VPS53: variants seen among roughly 807,000 people sequenced by gnomAD.
VPS53 encodes the protein VPS53 subunit of GARP complex, also known as vacuolar protein sorting-associated protein 53 homolog.
A neutral mutation model predicts 107.0 loss-of-function variants in VPS53; 70 were observed. The ratio of observed to expected loss-of-function variants is 0.65; its 90% confidence interval spans 0.54 to 0.80. The LOEUF is 0.80. VPS53 is among the 30% of genes least tolerant of loss of function. VPS53 has a pLI of 0.00. For missense variants in VPS53, 917 were observed against 1,049.4 expected (o/e 0.87, Z 1.74); for synonymous variants, 409 against 393.3 (o/e 1.04, Z -0.47).
chr17:552,922 T>C (rs1911985012), intron 16 of VPS53: 1 of 386,066 alleles, frequency 2.6e-6, no homozygotes. Context: ...ACAAGGTATA[T>C]ACGTGCCGCA....
intron 7 of VPS53, among the ~76,000 whole-genome samples, chr17:643,699 A>G (rs1970554243): frequency 6.6e-6 from 1 of 150,500 alleles, no homozygotes; most frequent in Non-Finnish European, 1.5e-5. Context: ...TCATACTTGG[A>G]AAGTGAGGAC....
intron 19 of VPS53, among the ~76,000 whole-genome samples, chr17:528,131 T>C (rs1211988026): frequency 3.3e-5 from 5 of 152,206 alleles, no homozygotes; most frequent in Admixed American, 3.3e-4. Flanking sequence ...ATTTACCTTT[T>C]GGAAGTGTAC....
At chr17:541,249 G>A (rs1173526235) in intron 17 of VPS53, among the ~76,000 whole-genome samples, 1 of 152,196 alleles carries the variant, frequency 6.6e-6, no homozygotes, top group African/African-American at 2.4e-5. Flanking sequence ...TATATTTATA[G>A]GTACCTTCGG....
chr17:706,508 T>G (rs1366761682), intron 2 of VPS53, among the ~76,000 whole-genome samples: 1 of 143,526 alleles, frequency 7.0e-6, no homozygotes, highest in Non-Finnish European at 1.5e-5. Flanking sequence ...CTGCATTCCA[T>G]CCTGGCAACA....
chr17:536,025 T>C (rs947907757), intron 18 of VPS53, among the ~76,000 whole-genome samples: 1 of 152,168 alleles, frequency 6.6e-6, no homozygotes, highest in African/African-American at 2.4e-5. Flanking sequence ...TCTGCCAAAA[T>C]GCTTGCTTGA....
intron 2 of VPS53, among the ~76,000 whole-genome samples, chr17:703,238 G>A (rs1320855208): frequency 6.6e-6 from 1 of 152,216 alleles, no homozygotes; most frequent in South Asian, 2.1e-4. Context: ...AACGTGCTCT[G>A]CAGGACAGGT....
chr17:584,356 C>T (rs58562424), intron 13 of VPS53, among the ~76,000 whole-genome samples: 5,111 of 152,230 alleles, frequency 0.034, 279 homozygotes, highest in African/African-American at 0.11. Context: ...TGCCCCCTCA[C>T]GCACACAACG....
chr17:556,878 T>G (rs1162154892), intron 15 of VPS53, among the ~76,000 whole-genome samples: 1 of 147,454 alleles, frequency 6.8e-6, no homozygotes, highest in Admixed American at 6.8e-5. Context: ...GGGAGCTACC[T>G]ACTGAAGGGG....
At chr17:569,150 A>G (rs1228779949) in intron 13 of VPS53, among the ~76,000 whole-genome samples, 1 of 152,234 alleles carries the variant, frequency 6.6e-6, no homozygotes, top group Non-Finnish European at 1.5e-5. Flanking sequence ...GAGGTGCTCA[A>G]AAAATGATAG....
At position 515,061 on chromosome 17, in the gene VPS53, T is replaced by C. The variant is rs1001153669; in HGVS notation, c.*4067A>G. On this transcript the variant is annotated 3_prime_UTR_variant, in exon 22 of 22. Transcript: ENST00000437048. ...CCTCAGTAAGAGCAGAGTGAACTCTTTATTGATTATACAAATTACCACTAT... is the reference window on the plus strand; with the variant it reads ...CCTCAGTAAGAGCAGAGTGAACTCTCTATTGATTATACAAATTACCACTAT... 2 of 152,170 alleles carry C rather than the reference T, an allele frequency of 1.3e-5. No homozygotes were observed. Among genetic ancestry groups the C allele is most frequent in the Non-Finnish European group, 2.9e-5 (2 of 68,042 alleles). 9.4% of individuals were successfully genotyped at this position (152,170 alleles called of 1,614,324 possible).
intron 11 of VPS53, among the ~76,000 whole-genome samples, chr17:605,423 C>T (rs1194380880): frequency 2.6e-5 from 4 of 151,396 alleles, no homozygotes; most frequent in Non-Finnish European, 4.4e-5. Context: ...CCGGTGGAGA[C>T]GCTGGAAAGC....
chr17:521,563 TA>T (rs1167054621), intron 20 of VPS53, 37 bp downstream of exon 20: 1 of 1,498,578 alleles, frequency 6.7e-7, no homozygotes, highest in African/African-American at 1.4e-5. Flanking sequence ...AAAAAGAGAT[TA>T]AATAAATAAC....
rs191719396 is a variant in VPS53, at chr17:553,484, G to A, written c.1705-22C>T. The A allele has an allele frequency of 3.5e-5, 54 of 1,554,688 alleles. No individual in the cohort carries two copies. The East Asian group carries it at 1.1e-3, about 32-fold the overall frequency. ...CTAGCTGTTGAAAAACAGAAGAAAT[G>A]GATGCACGGTTAATGATTATCCAAA... On this transcript the variant is annotated intron_variant, in intron 15 of 21. Transcript: ENST00000437048.
In VPS53 at chr17:536,600, C is replaced by T. The variant is rs1378804556; in HGVS notation, c.2015+428G>A. On this transcript the variant is annotated intron_variant, in intron 18 of 21. Transcript: ENST00000437048. ...TAGCAGATTTAGTTTTATGATTATG[C>T]TTCTTTTGTGTACAAATTAAAATCA... The T allele has an allele frequency of 3.0e-5, 5 of 165,970 alleles. No homozygotes were observed. In the Admixed American group the frequency reaches 3.0e-4, roughly 10 times the overall value. The allele number at this position is 165,970 out of a possible 1,614,324, so 10.3% of individuals were successfully genotyped here. A position where few individuals can be genotyped will look rare whatever the true frequency, so the allele number is the denominator to read the frequency against.
chr17:557,888 CT>C (rs1912581666), intron 15 of VPS53, among the ~76,000 whole-genome samples: 2 of 140,888 alleles, frequency 1.4e-5, no homozygotes, highest in Admixed American at 7.5e-5. Flanking sequence ...GAGACAGGGT[CT>C]CACTCTGTCA....
At chr17:713,447 G>A (rs531167109) in intron 1 of VPS53, among the ~76,000 whole-genome samples, 1 of 151,948 alleles carries the variant, frequency 6.6e-6, no homozygotes, top group Admixed American at 6.6e-5. Flanking sequence ...GAGGTCAGGA[G>A]TTCAAGACCA....
At chr17:695,088 C>A in intron 4 of VPS53, among the ~76,000 whole-genome samples, 1 of 152,162 alleles carries the variant, frequency 6.6e-6, no homozygotes, top group East Asian at 1.9e-4. Flanking sequence ...CTTCCAGGAG[C>A]TTACAAACAT....
At chr17:700,823 G>T (rs1166870810) in intron 2 of VPS53, among the ~76,000 whole-genome samples, 1 of 152,142 alleles carries the variant, frequency 6.6e-6, no homozygotes, top group Non-Finnish European at 1.5e-5. Context: ...AGGAATTAGG[G>T]ATATTGTAGG....
At chr17:643,960 C>A (rs192333798) in intron 7 of VPS53, among the ~76,000 whole-genome samples, 96 of 152,328 alleles carry the variant, frequency 6.3e-4, no homozygotes, top group African/African-American at 1.9e-3. Flanking sequence ...CCTGCCAAGC[C>A]TTTCTCACAT....
Sources: allele counts gnomAD v4.1 joint callset (sites outside exome capture counted in the v4.1 genomes callset), GRCh38; gene constraint gnomAD v4.1.1; transcripts MANE v1.5; gene names NCBI Gene and HGNC (gene_info 2026-07-23, HGNC 2026-07-21).